PCDHA9: variants seen among roughly 807,000 people sequenced by gnomAD.
PCDHA9 encodes protocadherin alpha-9.
A neutral mutation model predicts 62.0 loss-of-function variants in PCDHA9; 62 were observed. The ratio of observed to expected loss-of-function variants is 1.00; its 90% CI spans 0.81 to 1.23. The LOEUF (loss-of-function observed/expected upper bound fraction) is 1.23. Ranked by LOEUF, PCDHA9 falls within the 50% of genes most tolerant of loss-of-function variation. PCDHA9 has a pLI of 0.00. For synonymous variants in PCDHA9, 557 were observed against 567.6 expected, an observed-to-expected ratio of 0.98 and a Z score of 0.27; for missense variants, 1,205 against 1,249.8, an observed-to-expected ratio of 0.96 and a Z score of 0.54.
rs1021823272 is a variant in PCDHA9, at chr5:140,866,632, C to T, written c.2394+15743C>T. ...GGAGAACCTCCTGGGGTTCTGACAA[C>T]GGTGTCAAAATTTATTTATGTGTTT... On this transcript the variant is annotated intron_variant, in intron 1 of 3. Coordinates refer to ENST00000532602, the MANE Select transcript of PCDHA9 (RefSeq NM_031857.2). 22 of 152,178 alleles carry T rather than the reference C, an allele frequency of 1.4e-4. No homozygotes were observed. In the South Asian group the frequency reaches 2.9e-3, roughly 20 times the overall value. The allele number at this position is 152,178 out of a possible 1,614,324, so 9.4% of individuals were successfully genotyped here.
At chr5:140,877,578 C>A (rs782777600) in intron 1 of PCDHA9, 6 of 1,613,700 alleles carry the variant, frequency 3.7e-6, no homozygotes, top group East Asian at 2.2e-5. Flanking sequence ...ACCTCATCAT[C>A]GCCATCTGTG....
At chr5:140,869,188 G>A (rs200563745) in intron 1 of PCDHA9, 5 of 1,613,828 alleles carry the variant, frequency 3.1e-6, no homozygotes, top group African/African-American at 2.7e-5. Context: ...GGTGGGGAGC[G>A]GCCAGCTCCA....
chr5:140,882,513 G>A (rs2059164592), intron 1 of PCDHA9: 3 of 1,614,072 alleles, frequency 1.9e-6, no homozygotes, highest in Admixed American at 3.3e-5. Context: ...CTGCAGAATG[G>A]CATTTTGTTT....
chr5:140,937,371 T>C (rs2153632940), intron 1 of PCDHA9, among the ~76,000 whole-genome samples: 1 of 152,314 alleles, frequency 6.6e-6, no homozygotes, highest in Non-Finnish European at 1.5e-5. Context: ...TCTTAATGTT[T>C]ATGTGTGTGT....
chr5:140,909,575 G>A (rs114329297), intron 1 of PCDHA9, among the ~76,000 whole-genome samples: 373 of 152,290 alleles, frequency 2.4e-3, no homozygotes, highest in African/African-American at 8.5e-3. Context: ...CCAGAGATGT[G>A]ATATGTTTTT....
intron 1 of PCDHA9, 127 bp downstream of exon 1, chr5:140,851,016 A>T: frequency 7.0e-7 from 1 of 1,434,004 alleles, no homozygotes; most frequent in East Asian, 2.4e-5. Flanking sequence ...TTTTTTTCTG[A>T]TAAAGTAAAC....
At chr5:140,881,042 G>A (rs2058565950) in intron 1 of PCDHA9, among the ~76,000 whole-genome samples, 1 of 152,208 alleles carries the variant, frequency 6.6e-6, no homozygotes, top group Non-Finnish European at 1.5e-5. Context: ...TTCCTATAGA[G>A]TTGTGCACAG....
At chr5:140,910,428 G>A (rs2075029085) in intron 1 of PCDHA9, among the ~76,000 whole-genome samples, 1 of 152,130 alleles carries the variant, frequency 6.6e-6, no homozygotes, top group Admixed American at 6.5e-5. Flanking sequence ...TATTCCCATT[G>A]CATTTAAGTT....
rs147995655 is a variant in PCDHA9, at chr5:140,849,740, C to G, written c.1245C>G (p.Arg415=). 79 of 1,598,306 alleles carry G rather than the reference C, an allele frequency of 4.9e-5. 7 individuals are homozygous for G. In the African/African-American group the frequency reaches 8.5e-4, roughly 17 times the overall value. Residue 415 remains arginine (R), a synonymous_variant, in exon 1 of 4, where the codon CGC becomes CGG. Transcript: ENST00000532602. ...TGGTGCTGGACAGAGCTCTGGACCG[C>G]GAGAGTGTGTCCGCCTACGAGCTGG... ...YSLVLDRALD[R]ESVSAYELVV...
In PCDHA9 at chr5:140,875,437, C is replaced by CTGAT. The variant is rs782126939; in HGVS notation, c.2394+24551_2394+24554dup. The stretch of plus-strand genomic sequence containing the variant: ...ACCTCAGGCAAGCGATCCCTTAAAA[C>CTGAT]TGATTGTCCCAACTCAGAGGCCCTC... On this transcript the variant is annotated intron_variant, in intron 1 of 3. Transcript: ENST00000532602. 4 of 1,565,778 alleles carry CTGAT rather than the reference C, an allele frequency of 2.6e-6. No homozygotes were observed. In the South Asian group the frequency reaches 3.6e-5, roughly 14 times the overall value.
chr5:140,900,214 T>C (rs782509259), intron 1 of PCDHA9, among the ~76,000 whole-genome samples: 3 of 152,216 alleles, frequency 2.0e-5, no homozygotes, highest in Non-Finnish European at 4.4e-5. Flanking sequence ...ATCCAGGTTG[T>C]TGCAAATGAC....
chr5:140,918,680 C>A (rs1291001659), intron 1 of PCDHA9, among the ~76,000 whole-genome samples: 2 of 152,084 alleles, frequency 1.3e-5, no homozygotes, highest in Admixed American at 1.3e-4. Flanking sequence ...GAGGTGAGAC[C>A]TTTCAAACAT....
chr5:141,003,540 T>A (rs2098129225), intron 3 of PCDHA9, among the ~76,000 whole-genome samples: 1 of 152,188 alleles, frequency 6.6e-6, no homozygotes, highest in Non-Finnish European at 1.5e-5. Flanking sequence ...CTTGAACTCC[T>A]GGCTTCAAGT....
chr5:140,951,667 C>A (rs180768474), intron 1 of PCDHA9, among the ~76,000 whole-genome samples: 10 of 152,274 alleles, frequency 6.6e-5, no homozygotes, highest in African/African-American at 2.4e-4. Context: ...GGCCTGCCTA[C>A]AAAATTGGGG....
chr5:140,870,546 G>T, intron 1 of PCDHA9: 1 of 1,614,086 alleles, frequency 6.2e-7, no homozygotes, highest in Non-Finnish European at 8.5e-7. Flanking sequence ...CGCGGGACGC[G>T]GACGCGCAGG....
intron 1 of PCDHA9, among the ~76,000 whole-genome samples, chr5:140,904,512 C>A (rs1251570223): frequency 2.0e-5 from 3 of 151,738 alleles, no homozygotes; most frequent in African/African-American, 7.3e-5. Flanking sequence ...GTGAATTGTG[C>A]TGCTATAAAC....
rs1554263543 is a variant in PCDHA9, at chr5:141,011,545, G to A, written c.*1608G>A. 1 of 153,624 alleles carries A rather than the reference G, an allele frequency of 6.5e-6. No individual in the cohort carries two copies. Among genetic ancestry groups the A allele is most frequent in the Non-Finnish European group, 1.5e-5 (1 of 68,004 alleles). 9.5% of individuals were successfully genotyped at this position (153,624 alleles called of 1,614,324 possible). A position where few individuals can be genotyped will look rare whatever the true frequency, so the allele number is the denominator to read the frequency against. Reference sequence around the variant, plus strand: ...TTAACCATTGTTAATCAGCTTTTGTGTATGAAAGACACAGTAAAATTTCTT... The same window carrying A: ...TTAACCATTGTTAATCAGCTTTTGTATATGAAAGACACAGTAAAATTTCTT... On this transcript the variant is annotated 3_prime_UTR_variant, in exon 4 of 4. Coordinates refer to ENST00000532602, the MANE Select transcript of PCDHA9 (RefSeq NM_031857.2).
intron 1 of PCDHA9, among the ~76,000 whole-genome samples, chr5:140,954,268 A>C (rs1381458746): frequency 2.0e-5 from 3 of 152,224 alleles, no homozygotes; most frequent in African/African-American, 7.2e-5. Flanking sequence ...TCTTTATAAT[A>C]GGATGATTTA....
chr5:140,871,712 A>G, intron 1 of PCDHA9: 1 of 805,086 alleles, frequency 1.2e-6, no homozygotes, highest in South Asian at 2.2e-5. Context: ...TAAATGTCCT[A>G]TTTCTCTTAA....
Sources: gnomAD v4.1 joint callset for allele counts (sites outside exome capture counted in the v4.1 genomes callset) on GRCh38, gnomAD v4.1.1 for gene constraint, MANE v1.5 for transcripts, NCBI Gene and HGNC (gene_info 2026-07-23, HGNC 2026-07-21) for gene names.